The following RBPJ variants were observed in gnomAD, a reference collection of about 807,000 sequenced individuals.
The protein encoded by RBPJ is recombining binding protein suppressor of hairless.
Under a neutral mutation model 67.8 loss-of-function variants are expected in RBPJ, and 9 were observed. The observed-to-expected ratio is 0.13, with a 90% confidence interval of 0.08 to 0.23. The LOEUF is 0.23. RBPJ is among the 10% of genes least tolerant of loss of function. The probability of loss-of-function intolerance (pLI) is 1.00; values close to 1 mark genes in which losing one functional copy is unlikely to be tolerated. For missense variants in RBPJ, 305 were observed against 595.6 expected, an observed-to-expected ratio of 0.51 and a Z score of 5.08; for synonymous variants, 198 against 203.3, an observed-to-expected ratio of 0.97 and a Z score of 0.22.
Position 26,383,005 on chromosome 4 carries a change from A to G in RBPJ, c.21-3348A>G, listed in dbSNP as rs552969737. On this transcript the variant is annotated intron_variant, in intron 1 of 10. Transcript: ENST00000355476. ...AGAAAGATCAGGATTGCATGCAATT[A>G]ATAGAAATGTCTTATTATATACAGA... Among the ~76,000 whole-genome samples, 3 of 152,356 alleles carry G rather than the reference A, an allele frequency of 2.0e-5. No individual in the cohort carries two copies. In the East Asian group the frequency reaches 5.8e-4, roughly 29 times the overall value.
At chr4:26,242,457 A>AAAAG (rs1553852453) in intron 1 of RBPJ, among the ~76,000 whole-genome samples, 139 of 151,424 alleles carry the variant, frequency 9.2e-4, no homozygotes, top group African/African-American at 3.2e-3. Context: ...AAAAAAAAAA[A>AAAAG]AAAAGAAAAG....
At chr4:26,239,003 T>C (rs1298206758) in intron 1 of RBPJ, among the ~76,000 whole-genome samples, 1 of 152,084 alleles carries the variant, frequency 6.6e-6, no homozygotes, top group African/African-American at 2.4e-5. Context: ...ATTTGCCTTT[T>C]TCAATCAATC....
chr4:26,345,278 T>C (rs1291502668), intron 1 of RBPJ, among the ~76,000 whole-genome samples: 1 of 152,230 alleles, frequency 6.6e-6, no homozygotes, highest in African/African-American at 2.4e-5. Flanking sequence ...GTGTAACATT[T>C]AACTTTAATT....
chr4:26,278,245 C>T (rs1290620522), intron 1 of RBPJ, among the ~76,000 whole-genome samples: 4 of 152,058 alleles, frequency 2.6e-5, no homozygotes, highest in South Asian at 2.1e-4. Context: ...AGTAAAGTCA[C>T]GTCTGTCATG....
chr4:26,170,127 T>A (rs965282554), intron 1 of RBPJ, among the ~76,000 whole-genome samples: 7 of 152,040 alleles, frequency 4.6e-5, no homozygotes, highest in African/African-American at 7.2e-5. Flanking sequence ...ATGAACCCGG[T>A]ACCTCAGATG....
At chr4:26,319,987 C>G, upstream of RBPJ, 2 of 1,099,274 alleles carry the variant, frequency 1.8e-6, no homozygotes, top group Non-Finnish European at 2.6e-6. Context: ...CCGCCTGAAG[C>G]GCGATTCGGG....
At chr4:26,390,640 A>G (rs1731403980) in intron 2 of RBPJ, among the ~76,000 whole-genome samples, 1 of 152,256 alleles carries the variant, frequency 6.6e-6, no homozygotes, top group South Asian at 2.1e-4. Flanking sequence ...ACACAGTAGT[A>G]TAAAAATATA....
At chr4:26,329,937 T>C (rs1446135660) in intron 1 of RBPJ, among the ~76,000 whole-genome samples, 1 of 151,376 alleles carries the variant, frequency 6.6e-6, no homozygotes, top group African/African-American at 2.4e-5. Flanking sequence ...CTGGTAATAG[T>C]AGGTGCTCAA....
At chr4:26,407,888 T>TTTTTTTC (rs1209346488) in intron 3 of RBPJ, among the ~76,000 whole-genome samples, 12 of 29,766 alleles carry the variant, frequency 4.0e-4, no homozygotes, top group Admixed American at 1.0e-3. Context: ...TCTTTCTTTT[T>TTTTTTTC]TTTTTTTTTT....
intron 1 of RBPJ, among the ~76,000 whole-genome samples, chr4:26,368,811 G>A (rs1728873210): frequency 6.6e-6 from 1 of 152,252 alleles, no homozygotes; most frequent in African/African-American, 2.4e-5. Context: ...ACTAACTTGA[G>A]TGAGAAATTC....
intron 1 of RBPJ, among the ~76,000 whole-genome samples, chr4:26,260,396 C>T (rs975421625): frequency 6.6e-6 from 1 of 152,122 alleles, no homozygotes; most frequent in Non-Finnish European, 1.5e-5. Flanking sequence ...GCTAGAGTTC[C>T]ACTTTCAGCT....
chr4:26,283,328 T>C (rs551319482), intron 1 of RBPJ, among the ~76,000 whole-genome samples: 37 of 151,838 alleles, frequency 2.4e-4, no homozygotes, highest in African/African-American at 7.7e-4. Context: ...GTGGATCACC[T>C]GAGGTCAGGA....
At chr4:26,276,914 G>A (rs1387644779) in intron 1 of RBPJ, among the ~76,000 whole-genome samples, 2 of 152,114 alleles carry the variant, frequency 1.3e-5, no homozygotes, top group Non-Finnish European at 2.9e-5. Context: ...ATGTATTTAT[G>A]TATTTATTCT....
At chr4:26,238,859 T>G (rs1577504348) in intron 1 of RBPJ, among the ~76,000 whole-genome samples, 1 of 150,772 alleles carries the variant, frequency 6.6e-6, no homozygotes, top group African/African-American at 2.4e-5. Context: ...CTTGGAAGAG[T>G]GAGTGGCGGC....
chr4:26,258,714 C>T (rs189997277), intron 1 of RBPJ, among the ~76,000 whole-genome samples: 36 of 152,256 alleles, frequency 2.4e-4, no homozygotes, highest in Middle Eastern at 6.8e-3. Context: ...CTGAGGGTTT[C>T]GGGAATTTAA....
intron 1 of RBPJ, chr4:26,321,708 A>AC (rs1437984927): frequency 6.6e-6 from 1 of 150,922 alleles, no homozygotes; most frequent in Non-Finnish European, 1.5e-5. Context: ...GTCCTGGATC[A>AC]CCCCCCGAGG....
At chr4:26,304,148 T>C (rs1722161657) in intron 1 of RBPJ, among the ~76,000 whole-genome samples, 1 of 152,250 alleles carries the variant, frequency 6.6e-6, no homozygotes, top group Admixed American at 6.5e-5. Context: ...ATTTAGCACG[T>C]TTTCAAGGTC....
In RBPJ at chr4:26,415,578, T is replaced by C. The variant is rs1734500474; in HGVS notation, c.259T>C (p.Cys87Arg). Residue 87 changes from cysteine (C) to arginine (R), a missense_variant, in exon 4 of 11, where the codon TGT (cysteine) becomes CGT (arginine). Physicochemically the swap from Cys to Arg is radical, Grantham distance 180 (BLOSUM62 -3). Transcript: ENST00000355476. ...TTGTTCTGAACAAGAGTCTCAACCG[T>C]GTGCATTTATTGGGATAGGAAATAG... is the stretch of plus-strand genomic sequence containing the variant. ...DGCSEQESQP[C>R]AFIGIGNSDQ... 2 of 1,612,050 alleles carry C rather than the reference T, an allele frequency of 1.2e-6. No homozygotes were observed. The highest frequency in any genetic ancestry group is 1.7e-5 in the Admixed American group (1 of 59,654).
At chr4:26,163,321 A>C (rs1716134587), upstream of RBPJ, 1 of 151,618 alleles carries the variant, frequency 6.6e-6, no homozygotes, top group African/African-American at 2.4e-5. Flanking sequence ...AATAAATATT[A>C]ATTTATGTTG....
Sources: allele counts gnomAD v4.1 joint callset (sites outside exome capture counted in the v4.1 genomes callset), GRCh38; gene constraint gnomAD v4.1.1; transcripts MANE v1.5; gene names NCBI Gene and HGNC (gene_info 2026-07-23, HGNC 2026-07-21).